The following CSMD1 variants were observed in gnomAD, a reference collection of about 807,000 sequenced individuals.
CSMD1 encodes CUB and sushi domain-containing protein 1.
Under a neutral mutation model 417.5 loss-of-function variants are expected in CSMD1, and 213 were observed. The ratio of observed to expected loss-of-function variants is 0.51; its 90% CI spans 0.46 to 0.57. The LOEUF (loss-of-function observed/expected upper bound fraction) is 0.57, where lower values mean the gene tolerates loss of function less well. CSMD1 is among the 20% of genes least tolerant of loss of function. The probability of loss-of-function intolerance (pLI) is 0.00; values close to 1 mark genes in which losing one functional copy is unlikely to be tolerated. For synonymous variants in CSMD1, 2,862 were observed against 1,736.8 expected (o/e 1.65, Z -16.11); for missense variants, 6,923 against 4,529.7 (o/e 1.53, Z -15.17).
chr8:4,201,482 G>A (rs1344735654), intron 3 of CSMD1, among the ~76,000 whole-genome samples: 1 of 134,446 alleles, frequency 7.4e-6, no homozygotes, highest in Non-Finnish European at 1.5e-5. Flanking sequence ...AGCTTGCAGT[G>A]AGCCGACATA....
At chr8:3,439,873 G>C (rs988957752) in intron 12 of CSMD1, among the ~76,000 whole-genome samples, 7 of 152,150 alleles carry the variant, frequency 4.6e-5, no homozygotes, top group African/African-American at 1.7e-4. Context: ...TTTGGCCTAT[G>C]TATGTCCAGT....
intron 1 of CSMD1, among the ~76,000 whole-genome samples, chr8:4,761,879 CTAT>C (rs1812107425): frequency 3.4e-5 from 3 of 88,006 alleles, no homozygotes; most frequent in African/African-American, 1.2e-4. Context: ...ATCTATCTAT[CTAT>C]CTATCTACCT....
intron 12 of CSMD1, among the ~76,000 whole-genome samples, chr8:3,449,945 C>T (rs1262275162): frequency 6.6e-6 from 1 of 152,228 alleles, no homozygotes; most frequent in African/African-American, 2.4e-5. Flanking sequence ...TCTTAAGACT[C>T]ACACAGCTTG....
At chr8:4,439,679 G>A (rs576215246) in intron 2 of CSMD1, among the ~76,000 whole-genome samples, 13 of 152,288 alleles carry the variant, frequency 8.5e-5, no homozygotes, top group East Asian at 1.9e-4. Flanking sequence ...ATGAAAATGT[G>A]TGCTTATTAA....
chr8:4,138,205 ATTTTTT>A (rs562419797), intron 3 of CSMD1, among the ~76,000 whole-genome samples: 1 of 69,466 alleles, frequency 1.4e-5, no homozygotes. Context: ...GCAGCCTTAC[ATTTTTT>A]TTTTTTTTTT....
intron 5 of CSMD1, among the ~76,000 whole-genome samples, chr8:3,918,452 G>T (rs1012165927): frequency 7.2e-5 from 11 of 152,008 alleles, no homozygotes; most frequent in Non-Finnish European, 1.6e-4. Context: ...TAATTATATT[G>T]ATCACCTTTT....
intron 3 of CSMD1, among the ~76,000 whole-genome samples, chr8:4,121,315 A>T (rs1205296942): frequency 6.6e-6 from 1 of 151,992 alleles, no homozygotes; most frequent in Non-Finnish European, 1.5e-5. Context: ...CCGTTCCACC[A>T]TGTTGGCCAG....
intron 5 of CSMD1, among the ~76,000 whole-genome samples, chr8:3,952,299 G>T (rs1302665209): frequency 1.3e-5 from 2 of 152,134 alleles, no homozygotes; most frequent in African/African-American, 4.8e-5. Flanking sequence ...TACGCGAAAG[G>T]TGTCGTGGCT....
rs553894676 is a variant in CSMD1 at position 4,119,368 on chromosome 8, T to C, written c.416-87269A>G. On this transcript the variant is annotated intron_variant, in intron 3 of 69. Transcript: ENST00000635120. ...CAGGGAATGCTAAGTGAACATTTTT[T>C]AAAGAGGTTGATCTACTACTGATTT... Among the ~76,000 whole-genome samples, 54 of 152,312 alleles carry C rather than the reference T, an allele frequency of 3.5e-4. 1 individual carries two copies. The South Asian group carries it at 0.01, about 29-fold the overall frequency.
At chr8:2,993,880 AAAC>A (rs1433593883) in intron 54 of CSMD1, among the ~76,000 whole-genome samples, 2 of 151,906 alleles carry the variant, frequency 1.3e-5, no homozygotes, top group African/African-American at 4.8e-5. Context: ...GAAAGTAAGA[AAAC>A]AGGCTGGGTG....
At chr8:4,466,769 A>T (rs901895116) in intron 2 of CSMD1, among the ~76,000 whole-genome samples, 1 of 152,230 alleles carries the variant, frequency 6.6e-6, no homozygotes, top group African/African-American at 2.4e-5. Flanking sequence ...AAATTATAAT[A>T]TGAGAATACC....
intron 11 of CSMD1, among the ~76,000 whole-genome samples, chr8:3,478,767 T>C (rs7836865): frequency 5.3e-5 from 8 of 151,862 alleles, no homozygotes; most frequent in Non-Finnish European, 1.0e-4. Context: ...TCCAAGGAAG[T>C]CTTCATGTTC....
At chr8:3,528,031 T>C (rs909577466) in intron 10 of CSMD1, among the ~76,000 whole-genome samples, 5 of 152,134 alleles carry the variant, frequency 3.3e-5, no homozygotes, top group African/African-American at 9.7e-5. Flanking sequence ...TCTCCAGCCA[T>C]TGCCATTTGT....
intron 5 of CSMD1, among the ~76,000 whole-genome samples, chr8:3,991,868 T>C (rs188452624): frequency 1.7e-3 from 257 of 152,296 alleles, no homozygotes; most frequent in African/African-American, 5.7e-3. Context: ...AGCCTATTTT[T>C]CTCATCTATA....
At chr8:4,593,038 G>A (rs1585301448) in intron 2 of CSMD1, among the ~76,000 whole-genome samples, 1 of 152,144 alleles carries the variant, frequency 6.6e-6, no homozygotes, top group Non-Finnish European at 1.5e-5. Flanking sequence ...ACATGCTGGA[G>A]GGGTTTGTAA....
chr8:4,613,396 G>T (rs754088711), intron 2 of CSMD1, among the ~76,000 whole-genome samples: 3 of 152,106 alleles, frequency 2.0e-5, no homozygotes, highest in African/African-American at 7.2e-5. Context: ...AGAGAAATTA[G>T]AGCTTAGGCA....
chr8:3,526,824 G>A (rs1797772968), intron 10 of CSMD1, among the ~76,000 whole-genome samples: 1 of 152,150 alleles, frequency 6.6e-6, no homozygotes, highest in Non-Finnish European at 1.5e-5. Flanking sequence ...GTAACAACCT[G>A]TATTCTCCTT....
At chr8:4,396,602 T>A (rs1804233317) in intron 3 of CSMD1, among the ~76,000 whole-genome samples, 1 of 149,800 alleles carries the variant, frequency 6.7e-6, no homozygotes, top group Non-Finnish European at 1.5e-5. Flanking sequence ...AATGAGTGCA[T>A]AAGGAAAATG....
At chr8:3,606,708 T>C (rs1476803695) in intron 8 of CSMD1, among the ~76,000 whole-genome samples, 1 of 104,004 alleles carries the variant, frequency 9.6e-6, no homozygotes, top group Non-Finnish European at 2.1e-5. Flanking sequence ...TTTTACTTCG[T>C]TACAATTTTT....
Sources: gnomAD v4.1 joint callset for allele counts (sites outside exome capture counted in the v4.1 genomes callset) on GRCh38, gnomAD v4.1.1 for gene constraint, MANE v1.5 for transcripts, NCBI Gene and HGNC (gene_info 2026-07-23, HGNC 2026-07-21) for gene names.